POU6F2: variants seen among roughly 807,000 people sequenced by gnomAD.
The protein encoded by POU6F2 is POU domain, class 6, transcription factor 2.
In POU6F2, 31 loss-of-function variants were observed where a neutral mutation model predicts 71.3. The observed-to-expected ratio is 0.43, with a 90% CI of 0.33 to 0.59. The LOEUF is 0.59. POU6F2 is among the 20% of genes least tolerant of loss of function. The pLI, the probability that POU6F2 is intolerant of heterozygous loss-of-function variation, is 0.04. For missense variants in POU6F2, 783 were observed against 856.8 expected, an observed-to-expected ratio of 0.91 and a Z score of 1.07; for synonymous variants, 347 against 355.7, an observed-to-expected ratio of 0.98 and a Z score of 0.27.
At chr7:39,207,248 T>C (rs1794031782) in intron 3 of POU6F2, 144 bp from the exon 4 acceptor site, 2 of 678,406 alleles carry the variant, frequency 2.9e-6, no homozygotes, top group Admixed American at 6.4e-5. Context: ...TTTCTACCAA[T>C]CATTTTTTTT....
intron 6 of POU6F2, among the ~76,000 whole-genome samples, chr7:39,410,508 C>T (rs759856590): frequency 6.6e-6 from 1 of 152,126 alleles, no homozygotes; most frequent in Non-Finnish European, 1.5e-5. Context: ...ATCTGGAAAT[C>T]ATGCAAGTGT....
chr7:39,429,214 C>G (rs995368880), intron 6 of POU6F2, among the ~76,000 whole-genome samples: 1 of 152,084 alleles, frequency 6.6e-6, no homozygotes, highest in Non-Finnish European at 1.5e-5. Context: ...ATTCAACTCC[C>G]CATCCCCCAT....
intron 2 of POU6F2, among the ~76,000 whole-genome samples, chr7:39,183,147 T>TTGTGAAC (rs1793468524): frequency 6.6e-6 from 1 of 152,174 alleles, no homozygotes; most frequent in African/African-American, 2.4e-5. Context: ...ATGAACCCTA[T>TTGTGAAC]TGTGAACTGT....
At chr7:39,006,723 A>G (rs1562665360) in intron 1 of POU6F2, 5 of 917,468 alleles carry the variant, frequency 5.4e-6, no homozygotes, top group Non-Finnish European at 5.4e-6. Context: ...TTGCAATGTC[A>G]TCATTTAAAT....
intron 5 of POU6F2, among the ~76,000 whole-genome samples, chr7:39,396,990 C>T (rs1441360683): frequency 6.6e-6 from 1 of 151,998 alleles, no homozygotes; most frequent in African/African-American, 2.4e-5. Flanking sequence ...CCCAGCCCAG[C>T]CCCACCCAAT....
At chr7:39,196,848 T>C (rs1443935998) in intron 2 of POU6F2, among the ~76,000 whole-genome samples, 2 of 152,162 alleles carry the variant, frequency 1.3e-5, no homozygotes, top group Admixed American at 6.5e-5. Context: ...TTTTCAAAAT[T>C]TGAGGATCCT....
chr7:39,032,873 C>T (rs7801660), intron 1 of POU6F2, among the ~76,000 whole-genome samples: 50,036 of 152,038 alleles, frequency 0.33, 8,852 homozygotes, highest in East Asian at 0.73. Context: ...CTTGTTTTCT[C>T]GTGACACACA....
At chr7:39,242,082 T>C (rs1281441885) in intron 4 of POU6F2, among the ~76,000 whole-genome samples, 2 of 152,208 alleles carry the variant, frequency 1.3e-5, no homozygotes, top group African/African-American at 4.8e-5. Flanking sequence ...ACTGTGTGGA[T>C]ATACCACAGT....
At chr7:39,058,820 TA>T (rs926312864) in intron 1 of POU6F2, among the ~76,000 whole-genome samples, 4 of 152,204 alleles carry the variant, frequency 2.6e-5, no homozygotes, top group African/African-American at 9.6e-5. Flanking sequence ...CTACAAAATC[TA>T]AATTGTGGGT....
chr7:39,326,853 G>A (rs1021166557), intron 4 of POU6F2, among the ~76,000 whole-genome samples: 9 of 152,144 alleles, frequency 5.9e-5, no homozygotes, highest in Admixed American at 6.5e-5. Flanking sequence ...TAAGCCCCAG[G>A]TTGTCCTAGT....
At chr7:39,019,955 C>CTGTTGGTTGTCCATTTATA (rs1220246065) in intron 1 of POU6F2, among the ~76,000 whole-genome samples, 2 of 152,070 alleles carry the variant, frequency 1.3e-5, no homozygotes, top group Non-Finnish European at 2.9e-5. Context: ...AATCTGGTAA[C>CTGTTGGTTGTCCATTTATA]TGTTGGTTGT....
At chr7:39,124,192 G>A (rs552815468) in intron 2 of POU6F2, among the ~76,000 whole-genome samples, 4 of 151,888 alleles carry the variant, frequency 2.6e-5, no homozygotes, top group African/African-American at 7.2e-5. Flanking sequence ...GATTACAGGC[G>A]TGCACCACCA....
At chr7:39,287,300 C>T (rs1408209589) in intron 4 of POU6F2, among the ~76,000 whole-genome samples, 1 of 152,166 alleles carries the variant, frequency 6.6e-6, no homozygotes, top group African/African-American at 2.4e-5. Context: ...TCGTAGTTCC[C>T]TCAAGGCTTG....
intron 5 of POU6F2, among the ~76,000 whole-genome samples, chr7:39,347,823 G>A (rs1003566602): frequency 7.0e-6 from 1 of 141,994 alleles, no homozygotes; most frequent in Non-Finnish European, 1.6e-5. Context: ...GTAGAGATGG[G>A]GTTTTGCCAT....
At chr7:39,107,527 G>C (rs906400968) in intron 2 of POU6F2, among the ~76,000 whole-genome samples, 1 of 152,080 alleles carries the variant, frequency 6.6e-6, no homozygotes, top group Non-Finnish European at 1.5e-5. Flanking sequence ...TTGTTTATAC[G>C]TGGCAGAATA....
Position 39,464,461 on chromosome 7 carries a change from G to A in POU6F2, c.1938G>A (p.Gln646=). The A allele has an allele frequency of 1.2e-6, 2 of 1,613,950 alleles. No homozygotes were observed. Among genetic ancestry groups the A allele is most frequent in the Non-Finnish European group, 1.7e-6 (2 of 1,179,878 alleles). ...AGCGGCGCACCTCCTTCACACCCCA[G>A]GCCCTTGAGATCCTCAATGCCCACT... ...KRKRRTSFTP[Q]ALEILNAHFE... Residue 646 remains glutamine (Q), a synonymous_variant, in exon 10 of 10, where the codon CAG becomes CAA. Transcript: ENST00000518318. This position sits in a 1 kb window ranked among gnomAD's most constrained non-coding sequence, Gnocchi z 4.1.
chr7:39,440,632 G>A (rs1409126857), intron 7 of POU6F2, among the ~76,000 whole-genome samples: 1 of 152,160 alleles, frequency 6.6e-6, no homozygotes, highest in Non-Finnish European at 1.5e-5. Context: ...GTTAGAACAT[G>A]CTCCTTTAGC....
chr7:39,210,458 G>T (rs1794117825), intron 4 of POU6F2, among the ~76,000 whole-genome samples: 1 of 152,136 alleles, frequency 6.6e-6, no homozygotes, highest in Non-Finnish European at 1.5e-5. Flanking sequence ...TTGGAATTCA[G>T]GGATAAGTTT....
intron 6 of POU6F2, among the ~76,000 whole-genome samples, chr7:39,431,106 G>C (rs2073539): frequency 6.6e-6 from 1 of 152,096 alleles, no homozygotes; most frequent in Admixed American, 6.5e-5. Flanking sequence ...CTGATGGGAC[G>C]TGCTCATTGC....
Sources: gnomAD v4.1 joint callset for allele counts (sites outside exome capture counted in the v4.1 genomes callset) on GRCh38, gnomAD v4.1.1 for gene constraint, Gnocchi (gnomAD v3.1) non-coding constraint, MANE v1.5 for transcripts, NCBI Gene and HGNC (gene_info 2026-07-23, HGNC 2026-07-21) for gene names.